Variants in NOL4 observed in about 807,000 individuals in gnomAD.
NOL4 encodes nucleolar protein 4, also known as cancer/testis antigen 125.
A neutral mutation model predicts 75.9 loss-of-function variants in NOL4; 17 were observed. That is an observed-to-expected ratio of 0.22 (90% CI 0.15 to 0.34). The LOEUF (loss-of-function observed/expected upper bound fraction) is 0.34. Ranked by LOEUF, NOL4 falls within the 10% of genes least tolerant of loss-of-function variation. NOL4 has a pLI of 1.00. For synonymous variants in NOL4, 292 were observed against 289.9 expected, an observed-to-expected ratio of 1.01 and a Z score of -0.07; for missense variants, 614 against 793.5, an observed-to-expected ratio of 0.77 and a Z score of 2.72.
intron 5 of NOL4, chr18:34,048,702 A>T: frequency 1.5e-6 from 1 of 647,642 alleles, no homozygotes. Flanking sequence ...GGAAACATGC[A>T]CTCAGTCTTC....
chr18:34,100,084 A>T (rs1017421769), intron 4 of NOL4, among the ~76,000 whole-genome samples: 39 of 151,576 alleles, frequency 2.6e-4, no homozygotes, highest in African/African-American at 8.2e-4. Flanking sequence ...AAACAGCAGA[A>T]CAATTCCATA....
chr18:33,926,358 CAAAAAAAAAAAAAAAAA>C (rs67803985), intron 9 of NOL4, among the ~76,000 whole-genome samples: 1 of 46,528 alleles, frequency 2.1e-5, no homozygotes, highest in African/African-American at 8.8e-5. Flanking sequence ...GACTCCATCT[CAAAAAAAAAAAAAAAAA>C]AAAAAAAAAA....
At chr18:34,217,208 A>C (rs2036952966) in intron 1 of NOL4, among the ~76,000 whole-genome samples, 1 of 152,086 alleles carries the variant, frequency 6.6e-6, no homozygotes, top group African/African-American at 2.4e-5. Context: ...CCAAAAATGG[A>C]GTAGGTAGAA....
chr18:33,999,052 C>G (rs2073496375), intron 6 of NOL4, among the ~76,000 whole-genome samples: 1 of 151,890 alleles, frequency 6.6e-6, no homozygotes, highest in Non-Finnish European at 1.5e-5. Flanking sequence ...AAGAGACCAC[C>G]TAGTGCAACT....
At chr18:34,059,112 G>GAT (rs2076952212) in intron 5 of NOL4, among the ~76,000 whole-genome samples, 2 of 102,704 alleles carry the variant, frequency 1.9e-5, no homozygotes, top group South Asian at 3.6e-4. Flanking sequence ...TAGAGAGATA[G>GAT]ATAGATATAC....
At chr18:34,070,073 CCAGGCTGGAGTGCATTGGCG>C (rs2077445882) in intron 5 of NOL4, among the ~76,000 whole-genome samples, 6 of 152,240 alleles carry the variant, frequency 3.9e-5, no homozygotes, top group Admixed American at 3.9e-4. Context: ...GCTCAGTCGC[CCAGGCTGGAGTGCATTGGCG>C]CAATCCCGGC....
intron 6 of NOL4, among the ~76,000 whole-genome samples, chr18:33,967,857 G>A (rs188037004): frequency 6.6e-6 from 1 of 152,302 alleles, no homozygotes; most frequent in East Asian, 1.9e-4. Flanking sequence ...GGGGGCCGAG[G>A]CAGGCGGATC....
intron 1 of NOL4, among the ~76,000 whole-genome samples, chr18:34,130,522 G>T (rs1300215191): frequency 2.0e-5 from 3 of 151,934 alleles, no homozygotes; most frequent in Non-Finnish European, 4.4e-5. Context: ...ATCAGTATTG[G>T]TCTAAAGAAC....
At chr18:33,860,343 G>A (rs2063051381) in intron 10 of NOL4, among the ~76,000 whole-genome samples, 2 of 152,028 alleles carry the variant, frequency 1.3e-5, no homozygotes, top group Admixed American at 1.3e-4. Context: ...ATGCCTCCCT[G>A]ACAGTCTCCC....
rs531240331 is a variant in NOL4, at chr18:33,852,360, A to G, written c.*482T>C. On this transcript the variant is annotated 3_prime_UTR_variant, in exon 11 of 11. Coordinates refer to ENST00000261592, the MANE Select transcript of NOL4 (RefSeq NM_003787.5). Reference sequence around the variant, plus strand: ...CAAGTTTTCTTTTTATAAAAATTACATATTTTTTTAAAATACGAGATCCTT... The same window carrying G: ...CAAGTTTTCTTTTTATAAAAATTACGTATTTTTTTAAAATACGAGATCCTT... 8 of 152,408 alleles carry G rather than the reference A, an allele frequency of 5.2e-5. No homozygotes were observed. In the East Asian group the frequency reaches 1.4e-3, roughly 26 times the overall value. 9.4% of individuals were successfully genotyped at this position (152,408 alleles called of 1,614,324 possible).
At chr18:33,980,082 A>C (rs886855752) in intron 6 of NOL4, among the ~76,000 whole-genome samples, 7 of 152,176 alleles carry the variant, frequency 4.6e-5, no homozygotes, top group Admixed American at 4.6e-4. Context: ...CAGTTGAAAA[A>C]TAAACAATTT....
chr18:33,982,348 A>T (rs970441307), intron 6 of NOL4, among the ~76,000 whole-genome samples: 1 of 152,156 alleles, frequency 6.6e-6, no homozygotes, highest in Non-Finnish European at 1.5e-5. Context: ...CATGTAATTT[A>T]AAAATAAAGG....
At chr18:33,979,240 C>A (rs2071748694) in intron 6 of NOL4, among the ~76,000 whole-genome samples, 1 of 151,824 alleles carries the variant, frequency 6.6e-6, no homozygotes, top group Admixed American at 6.6e-5. Flanking sequence ...TAAACAAAGT[C>A]ACCCCCCATT....
At chr18:33,942,704 A>C (rs1322640185) in intron 9 of NOL4, among the ~76,000 whole-genome samples, 1 of 151,896 alleles carries the variant, frequency 6.6e-6, no homozygotes, top group African/African-American at 2.4e-5. Context: ...GGTTCATTTC[A>C]TTCGAAATGA....
At chr18:34,123,643 A>C (rs2080255903) in intron 2 of NOL4, among the ~76,000 whole-genome samples, 1 of 147,892 alleles carries the variant, frequency 6.8e-6, no homozygotes, top group African/African-American at 2.5e-5. Context: ...ATACAGAGAG[A>C]TATACCTACA....
intron 1 of NOL4, among the ~76,000 whole-genome samples, chr18:34,146,890 T>A (rs1416375625): frequency 3.3e-5 from 5 of 152,144 alleles, no homozygotes; most frequent in African/African-American, 1.2e-4. Context: ...CCTCTCTTAT[T>A]TCCTTGAGCA....
At chr18:33,911,450 A>G (rs943666020) in intron 9 of NOL4, among the ~76,000 whole-genome samples, 1 of 151,918 alleles carries the variant, frequency 6.6e-6, no homozygotes, top group African/African-American at 2.4e-5. Context: ...TTTTTTGTCT[A>G]TTTAAAAAGA....
intron 6 of NOL4, among the ~76,000 whole-genome samples, chr18:33,972,725 A>G (rs1303646651): frequency 6.6e-6 from 1 of 152,256 alleles, no homozygotes; most frequent in Non-Finnish European, 1.5e-5. Context: ...AGTGCATACA[A>G]AAGCTATGTT....
At chr18:33,986,284 T>G (rs1336026673) in intron 6 of NOL4, among the ~76,000 whole-genome samples, 1 of 152,128 alleles carries the variant, frequency 6.6e-6, no homozygotes, top group Non-Finnish European at 1.5e-5. Flanking sequence ...CAAATAATAT[T>G]GTTTTATTTT....
Sources: allele counts gnomAD v4.1 joint callset (sites outside exome capture counted in the v4.1 genomes callset), GRCh38; gene constraint gnomAD v4.1.1; transcripts MANE v1.5; gene names NCBI Gene and HGNC (gene_info 2026-07-23, HGNC 2026-07-21).